SLC35F1: variants seen among roughly 807,000 people sequenced by gnomAD.
The protein encoded by SLC35F1 is solute carrier family 35 member F1.
A neutral mutation model predicts 48.7 loss-of-function variants in SLC35F1; 14 were observed. That is an observed-to-expected ratio of 0.29 (90% CI 0.19 to 0.45). The LOEUF is 0.45. Ranked by LOEUF, SLC35F1 falls within the 20% of genes least tolerant of loss-of-function variation. The pLI, the probability that SLC35F1 is intolerant of heterozygous loss-of-function variation, is 1.00. For synonymous variants in SLC35F1, 190 were observed against 202.2 expected (o/e 0.94, Z 0.51); for missense variants, 404 against 500.0 (o/e 0.81, Z 1.83).
At chr6:118,010,317 CT>C (rs2114875606) in intron 1 of SLC35F1, among the ~76,000 whole-genome samples, 1 of 152,240 alleles carries the variant, frequency 6.6e-6, no homozygotes, top group Non-Finnish European at 1.5e-5. Context: ...AGTAAAGTCT[CT>C]TGTTTTTATA....
At chr6:118,003,372 G>C (rs140578732) in intron 1 of SLC35F1, among the ~76,000 whole-genome samples, 1 of 152,302 alleles carries the variant, frequency 6.6e-6, no homozygotes, top group African/African-American at 2.4e-5. Flanking sequence ...TAACATCATG[G>C]AATGCATAAG....
intron 5 of SLC35F1, among the ~76,000 whole-genome samples, chr6:118,276,537 A>G (rs1034095921): frequency 2.0e-5 from 3 of 152,186 alleles, no homozygotes; most frequent in African/African-American, 7.2e-5. Flanking sequence ...CTGGTGAAAA[A>G]CTTCACAGCA....
At chr6:118,018,377 A>C (rs1777350205) in intron 1 of SLC35F1, among the ~76,000 whole-genome samples, 2 of 152,152 alleles carry the variant, frequency 1.3e-5, no homozygotes, top group African/African-American at 4.8e-5. Flanking sequence ...TCTCGGAAAA[A>C]AAAAGAAAAA....
At chr6:118,148,562 T>G (rs1011482429) in intron 1 of SLC35F1, among the ~76,000 whole-genome samples, 5 of 152,216 alleles carry the variant, frequency 3.3e-5, no homozygotes, top group Admixed American at 6.5e-5. Context: ...TTGAGACTCA[T>G]GCATTTTTCA....
chr6:118,057,925 A>C (rs1486067915), intron 1 of SLC35F1, among the ~76,000 whole-genome samples: 1 of 152,136 alleles, frequency 6.6e-6, no homozygotes, highest in Non-Finnish European at 1.5e-5. Flanking sequence ...ATTAAAAGGC[A>C]GGCAGGGATG....
intron 1 of SLC35F1, among the ~76,000 whole-genome samples, chr6:118,130,740 A>G (rs1280661957): frequency 6.6e-6 from 1 of 152,022 alleles, no homozygotes; most frequent in African/African-American, 2.4e-5. Context: ...CTTTGTATGC[A>G]TGAAGCACTA....
At chr6:118,278,734 G>A (rs562123638) in intron 6 of SLC35F1, among the ~76,000 whole-genome samples, 9 of 152,330 alleles carry the variant, frequency 5.9e-5, no homozygotes, top group African/African-American at 1.7e-4. Context: ...GTTACAGAAA[G>A]CATTTGTCTT....
At chr6:118,119,352 T>G (rs1170220673) in intron 1 of SLC35F1, among the ~76,000 whole-genome samples, 6 of 152,220 alleles carry the variant, frequency 3.9e-5, no homozygotes, top group African/African-American at 1.4e-4. Flanking sequence ...AATTTTCACA[T>G]GCTGTTTATT....
At chr6:118,203,619 C>G (rs1334323613) in intron 2 of SLC35F1, among the ~76,000 whole-genome samples, 1 of 152,162 alleles carries the variant, frequency 6.6e-6, no homozygotes. Flanking sequence ...GGAACCATGC[C>G]TTTGGGAGGG....
chr6:117,954,892 A>G (rs1016151327), intron 1 of SLC35F1, among the ~76,000 whole-genome samples: 1 of 152,228 alleles, frequency 6.6e-6, no homozygotes, highest in Non-Finnish European at 1.5e-5. Flanking sequence ...ATTGACTGTT[A>G]TATGCTCAGT....
In SLC35F1 at chr6:117,938,865, T is replaced by C. The variant is rs142930752; in HGVS notation, c.173+30966T>C. ...TCCCCCTCCCCCGCCCTCAGGCCCC[T>C]GGCTTGCTGTGTTAGACAACTTCTG... On this transcript the variant is annotated intron_variant, in intron 1 of 7. Coordinates refer to ENST00000360388, the MANE Select transcript of SLC35F1 (RefSeq NM_001029858.4). Among the ~76,000 whole-genome samples the C allele has an allele frequency of 1.8e-3, 259 of 144,316 alleles. 1 individual carries two copies. Among genetic ancestry groups the C allele is most frequent in the African/African-American group, 6.9e-3 (250 of 36,280 alleles). 94.7% of individuals were successfully genotyped at this position (144,316 alleles called of 152,430 possible). A position where few individuals can be genotyped will look rare whatever the true frequency, so the allele number is the denominator to read the frequency against.
chr6:118,099,141 G>A (rs1773221015), intron 1 of SLC35F1, among the ~76,000 whole-genome samples: 1 of 152,218 alleles, frequency 6.6e-6, no homozygotes. Flanking sequence ...GAGCAGGAAG[G>A]TGGTGAATGT....
intron 1 of SLC35F1, among the ~76,000 whole-genome samples, chr6:117,946,933 G>GGTTTTGAGA (rs1311744640): frequency 6.6e-5 from 10 of 152,170 alleles, no homozygotes; most frequent in Non-Finnish European, 1.3e-4. Flanking sequence ...TCTGTGCCAA[G>GGTTTTGAGA]CACATTTTTA....
intron 1 of SLC35F1, among the ~76,000 whole-genome samples, chr6:118,097,188 G>C (rs907570387): frequency 2.6e-5 from 4 of 152,070 alleles, no homozygotes; most frequent in Non-Finnish European, 5.9e-5. Flanking sequence ...GACCTACAAA[G>C]TTCCCCCTCA....
At chr6:118,229,816 T>G (rs1460611463) in intron 2 of SLC35F1, among the ~76,000 whole-genome samples, 2 of 152,212 alleles carry the variant, frequency 1.3e-5, no homozygotes, top group Non-Finnish European at 2.9e-5. Flanking sequence ...TTTAACAAAT[T>G]ATAAAACACA....
At chr6:118,073,797 A>C (rs1772778292) in intron 1 of SLC35F1, among the ~76,000 whole-genome samples, 1 of 152,196 alleles carries the variant, frequency 6.6e-6, no homozygotes, top group African/African-American at 2.4e-5. Flanking sequence ...TAAGAATACC[A>C]TTTACCACCT....
chr6:118,007,775 A>C (rs1417751869), intron 1 of SLC35F1, among the ~76,000 whole-genome samples: 1 of 152,140 alleles, frequency 6.6e-6, no homozygotes, highest in Non-Finnish European at 1.5e-5. Flanking sequence ...GTTGGGCTGC[A>C]GTTCTTACAT....
chr6:118,142,676 AC>A (rs1459689738), intron 1 of SLC35F1, among the ~76,000 whole-genome samples: 1 of 152,178 alleles, frequency 6.6e-6, no homozygotes, highest in African/African-American at 2.4e-5. Context: ...CTTATAGAAG[AC>A]CTTTTCGTCT....
rs1181777235 is a variant in SLC35F1, at chr6:118,197,763, TC to T, written c.350-37745del. ...TTTTAAGACTTTATGTTGTCTGCTT[TC>T]AGAGGGAAGAAAGCAGAAAAATCAC... On this transcript the variant is annotated intron_variant, in intron 2 of 7. Transcript: ENST00000360388. 2.0e-5 allele frequency among the ~76,000 whole-genome samples: 3 copies of T among 152,238 alleles called. No individual in the cohort carries two copies. In the East Asian group the frequency reaches 5.8e-4, roughly 29 times the overall value.
Sources: gnomAD v4.1 joint callset for allele counts (sites outside exome capture counted in the v4.1 genomes callset) on GRCh38, gnomAD v4.1.1 for gene constraint, MANE v1.5 for transcripts, NCBI Gene and HGNC (gene_info 2026-07-23, HGNC 2026-07-21) for gene names.